Variants in AGBL1 observed in about 807,000 individuals in gnomAD.
AGBL1 encodes the protein AGBL carboxypeptidase 1, also known as cytosolic carboxypeptidase 4.
A neutral mutation model predicts 118.9 loss-of-function variants in AGBL1; 130 were observed. The ratio of observed to expected loss-of-function variants is 1.09; its 90% confidence interval spans 0.95 to 1.26. AGBL1 has a LOEUF of 1.26. AGBL1 is among the 50% of genes most tolerant of loss of function. AGBL1 has a pLI of 0.00. For synonymous variants in AGBL1, 555 were observed against 478.9 expected, an observed-to-expected ratio of 1.16 and a Z score of -2.08; for missense variants, 1,584 against 1,298.1, an observed-to-expected ratio of 1.22 and a Z score of -3.38.
intron 22 of AGBL1, among the ~76,000 whole-genome samples, chr15:86,881,098 C>T (rs2079885270): frequency 6.6e-6 from 1 of 152,168 alleles, no homozygotes; most frequent in Non-Finnish European, 1.5e-5. Context: ...TCTCATCTCA[C>T]CTCCTTCCTC....
chr15:86,402,087 G>A lies in AGBL1; in HGVS notation c.2555+4541G>A, dbSNP rs186120087. ...TGACTCTACCTGTCCATGAGCATGG[G>A]ATGTGTTTCCATTTGTTTGTGTCAC... On this transcript the variant is annotated intron_variant, in intron 18 of 22. Transcript: ENST00000614907. Among the ~76,000 whole-genome samples the A allele has an allele frequency of 1.8e-4, 27 of 152,120 alleles. No individual in the cohort carries two copies. The East Asian group carries it at 5.2e-3, about 29-fold the overall frequency.
At chr15:86,674,184 T>G in intron 21 of AGBL1, 89 bp from the exon 22 acceptor site, 1 of 1,217,178 alleles carries the variant, frequency 8.2e-7, no homozygotes, top group South Asian at 1.5e-5. Flanking sequence ...AAAATGCCTG[T>G]GTGTAGAAGT....
intron 5 of AGBL1, among the ~76,000 whole-genome samples, chr15:86,197,773 C>A (rs531609047): frequency 1.1e-4 from 16 of 151,990 alleles, no homozygotes; most frequent in Admixed American, 3.3e-4. Flanking sequence ...ATTATATGGG[C>A]AGAAAACAGC....
At chr15:86,217,596 G>A (rs1258401743) in intron 5 of AGBL1, among the ~76,000 whole-genome samples, 1 of 152,200 alleles carries the variant, frequency 6.6e-6, no homozygotes, top group African/African-American at 2.4e-5. Flanking sequence ...TACAGGAAAT[G>A]ACACCTAAGT....
chr15:87,020,438 G>A (rs2081653254), intron 24 of AGBL1, among the ~76,000 whole-genome samples: 1 of 152,050 alleles, frequency 6.6e-6, no homozygotes, highest in South Asian at 2.1e-4. Flanking sequence ...TTGAAAACTA[G>A]CACCAGAAAA....
chr15:86,796,275 G>A (rs958773195), intron 22 of AGBL1, among the ~76,000 whole-genome samples: 6 of 152,176 alleles, frequency 3.9e-5, no homozygotes, highest in Non-Finnish European at 7.3e-5. Context: ...TGTTCTGTCA[G>A]AAAAGTAAGC....
rs535102012 is a variant in AGBL1 at position 86,080,714 on chromosome 15, A to G, written c.51+691A>G. Reference sequence around the variant, plus strand: ...TACTCATGCTTGGGACCCACCCCCAAAGACATGGATTTAACTGATCTAGGG... The same window carrying G: ...TACTCATGCTTGGGACCCACCCCCAGAGACATGGATTTAACTGATCTAGGG... On this transcript the variant is annotated intron_variant, in intron 1 of 22. Transcript: ENST00000614907. 2.1e-3 allele frequency among the ~76,000 whole-genome samples: 322 copies of G among 152,320 alleles called. 2 individuals carry two copies. The highest frequency in any genetic ancestry group is 3.2e-3 in the Non-Finnish European group (218 of 68,024).
chr15:86,885,761 T>G (rs2079960671), intron 22 of AGBL1, among the ~76,000 whole-genome samples: 1 of 152,220 alleles, frequency 6.6e-6, no homozygotes, highest in Non-Finnish European at 1.5e-5. Flanking sequence ...GGTGGTAGCA[T>G]AACTTACTCC....
At chr15:86,586,766 G>C (rs1405735666) in intron 21 of AGBL1, among the ~76,000 whole-genome samples, 1 of 152,156 alleles carries the variant, frequency 6.6e-6, no homozygotes, top group Non-Finnish European at 1.5e-5. Context: ...ATAAGTCATA[G>C]GAAGGTTTAG....
chr15:86,881,304 T>C (rs115508571), intron 22 of AGBL1, among the ~76,000 whole-genome samples: 42 of 152,338 alleles, frequency 2.8e-4, no homozygotes, highest in African/African-American at 9.9e-4. Context: ...AGAAACCTCG[T>C]GGAATGCTCT....
intron 6 of AGBL1, among the ~76,000 whole-genome samples, chr15:86,243,330 G>A (rs2078668259): frequency 1.3e-5 from 2 of 152,166 alleles, no homozygotes; most frequent in Admixed American, 6.5e-5. Flanking sequence ...CTGCACTAAA[G>A]AGGCACATGT....
intron 15 of AGBL1, among the ~76,000 whole-genome samples, chr15:86,276,447 A>G (rs80055148): frequency 0.017 from 2,609 of 152,272 alleles, 43 homozygotes; most frequent in East Asian, 0.054. Context: ...CCTTGAAAGG[A>G]TGTCATTAGA....
intron 15 of AGBL1, among the ~76,000 whole-genome samples, chr15:86,278,943 G>C (rs1258803243): frequency 1.3e-5 from 2 of 152,202 alleles, no homozygotes; most frequent in Admixed American, 6.5e-5. Flanking sequence ...AACCACATTT[G>C]AGGTGACAAA....
chr15:86,227,058 C>A (rs2078377382), intron 6 of AGBL1, among the ~76,000 whole-genome samples: 1 of 151,900 alleles, frequency 6.6e-6, no homozygotes, highest in Admixed American at 6.5e-5. Flanking sequence ...ACTGGGATAC[C>A]AAATTTTTAA....
At chr15:86,443,798 A>G (rs527876264) in intron 18 of AGBL1, among the ~76,000 whole-genome samples, 3 of 152,212 alleles carry the variant, frequency 2.0e-5, no homozygotes, top group Non-Finnish European at 4.4e-5. Flanking sequence ...TTTATGACTG[A>G]ATAGTATTCC....
At chr15:86,359,398 T>C (rs1207846923) in intron 17 of AGBL1, among the ~76,000 whole-genome samples, 2 of 141,452 alleles carry the variant, frequency 1.4e-5, no homozygotes, top group South Asian at 2.2e-4. Flanking sequence ...TTTTTTTTTT[T>C]TTTTTTTTTT....
chr15:86,956,170 A>G (rs902990169), intron 23 of AGBL1, among the ~76,000 whole-genome samples: 4 of 152,084 alleles, frequency 2.6e-5, no homozygotes, highest in Non-Finnish European at 1.5e-5. Flanking sequence ...TCTCTAGAGA[A>G]ACAGAACCGG....
chr15:86,484,522 A>G (rs1400240044), intron 18 of AGBL1, among the ~76,000 whole-genome samples: 2 of 152,024 alleles, frequency 1.3e-5, no homozygotes, highest in Admixed American at 6.6e-5. Flanking sequence ...TGTGACTAAG[A>G]CCCTCTTGAG....
chr15:86,749,727 T>C (rs550160705), intron 22 of AGBL1, among the ~76,000 whole-genome samples: 1 of 152,240 alleles, frequency 6.6e-6, no homozygotes, highest in African/African-American at 2.4e-5. Flanking sequence ...GAAGTGCTGT[T>C]GAATTTTGTC....
Sources: allele counts gnomAD v4.1 joint callset (sites outside exome capture counted in the v4.1 genomes callset), GRCh38; gene constraint gnomAD v4.1.1; transcripts MANE v1.5; gene names NCBI Gene and HGNC (gene_info 2026-07-23, HGNC 2026-07-21).